Variants in CLCN3 observed in about 807,000 individuals in gnomAD.
CLCN3 encodes the protein Cl-/H+ antiporter 3.
A neutral mutation model predicts 83.4 loss-of-function variants in CLCN3; 16 were observed. The observed-to-expected ratio is 0.19, with a 90% confidence interval of 0.13 to 0.29. The LOEUF (loss-of-function observed/expected upper bound fraction) is 0.29. Among genes scored for constraint, CLCN3 ranks in the 10% least tolerant of loss-of-function variants. CLCN3 has a pLI of 1.00. For missense variants in CLCN3, 544 were observed against 1,006.0 expected (o/e 0.54, Z 6.21); for synonymous variants, 322 against 346.2 (o/e 0.93, Z 0.78).
intron 2 of CLCN3, among the ~76,000 whole-genome samples, chr4:169,679,088 C>T (rs527282346): frequency 9.6e-4 from 146 of 152,074 alleles, no homozygotes; most frequent in African/African-American, 3.4e-3. Context: ...CTCCTCACTT[C>T]CCAGATGGGG....
At chr4:169,716,947 GTTTT>G (rs1733444356) in intron 12 of CLCN3, among the ~76,000 whole-genome samples, 1 of 152,180 alleles carries the variant, frequency 6.6e-6, no homozygotes, top group Admixed American at 6.5e-5. Flanking sequence ...AAAGATTAAA[GTTTT>G]TTTAAGGTTT....
At position 169,680,206 on chromosome 4, in the gene CLCN3, G is replaced by C; in HGVS notation, c.317G>C (p.Arg106Pro). 6.2e-7 allele frequency: 1 copy of C among 1,603,850 alleles called. No homozygotes were observed. Among genetic ancestry groups the C allele is most frequent in the East Asian group, 2.2e-5 (1 of 44,730 alleles). The change falls in exon 3 of 13, where the codon CGG becomes CCG. Residue 106 changes from arginine to proline, a missense_variant and splice_region_variant. Around this residue, in one of 6 missense-constraint regions of CLCN3, gnomAD observed 96 missense variants for 202.1 expected, o/e 0.48. Coordinates refer to ENST00000513761, the MANE Select transcript of CLCN3 (RefSeq NM_001829.4). ...TGTAAAGACAGAGAAAGGCATAGAC[G>C]GGTAAGTGTTTTTAGTAAAAATTTT... Reference protein sequence around the residue: ...EKCKDRERHRRINSKKKESAW... With the variant: ...EKCKDRERHRPINSKKKESAW...
chr4:169,666,192 A>T (rs1731238597), intron 2 of CLCN3, among the ~76,000 whole-genome samples: 1 of 152,230 alleles, frequency 6.6e-6, no homozygotes, highest in South Asian at 2.1e-4. Context: ...ACAAAATAAA[A>T]TATCAGTATA....
chr4:169,654,564 T>C (rs558700727), intron 2 of CLCN3, among the ~76,000 whole-genome samples: 1 of 152,286 alleles, frequency 6.6e-6, no homozygotes, highest in South Asian at 2.1e-4. Flanking sequence ...CCTTTTTTAT[T>C]ATCACTATTT....
chr4:169,679,877 AGGCGGG>A (rs1560853867), intron 2 of CLCN3, among the ~76,000 whole-genome samples, 167 bp from the exon 3 acceptor site: 1 of 121,538 alleles, frequency 8.2e-6, no homozygotes, highest in Non-Finnish European at 1.9e-5. Flanking sequence ...AGACCGTGGA[AGGCGGG>A]AGTCGGAGAC....
chr4:169,646,570 AC>A (rs1221849474), intron 2 of CLCN3, among the ~76,000 whole-genome samples: 2 of 152,192 alleles, frequency 1.3e-5, no homozygotes, highest in Non-Finnish European at 2.9e-5. Context: ...TGCTGGGATT[AC>A]AGGCGTGAGC....
intron 12 of CLCN3, among the ~76,000 whole-genome samples, chr4:169,716,245 A>G (rs1194263573): frequency 6.6e-6 from 1 of 152,142 alleles, no homozygotes; most frequent in Non-Finnish European, 1.5e-5. Context: ...GTGTTTCTCC[A>G]TCTTTTAGGG....
intron 3 of CLCN3, 33 bp downstream of exon 3, chr4:169,680,240 T>C (rs1390012324): frequency 6.7e-7 from 1 of 1,483,716 alleles, no homozygotes; most frequent in South Asian, 1.2e-5. Context: ...TTTAAAAACA[T>C]AGTGCATAAT....
At chr4:169,696,052 C>A (rs1421732284) in intron 8 of CLCN3, among the ~76,000 whole-genome samples, 1 of 151,918 alleles carries the variant, frequency 6.6e-6, no homozygotes, top group Non-Finnish European at 1.5e-5. Flanking sequence ...ACCATGTTGG[C>A]CAGGCTGTTT....
chr4:169,674,297 G>C lies in CLCN3; in HGVS notation c.161-5753G>C, dbSNP rs139882382. On this transcript the variant is annotated intron_variant, in intron 2 of 12. Coordinates refer to ENST00000513761, the MANE Select transcript of CLCN3 (RefSeq NM_001829.4). Reference sequence around the variant, plus strand: ...TTTTTCCTTATAAGATTCATTTTATGCATTTCTGGCCAGAGTACCACAGAA... The same window carrying C: ...TTTTTCCTTATAAGATTCATTTTATCCATTTCTGGCCAGAGTACCACAGAA... Among the ~76,000 whole-genome samples, 23 of 152,182 alleles carry C rather than the reference G, an allele frequency of 1.5e-4. No homozygotes were observed. The East Asian group carries it at 4.4e-3, about 29-fold the overall frequency.
intron 2 of CLCN3, among the ~76,000 whole-genome samples, chr4:169,645,366 A>G (rs1164760726): frequency 6.6e-6 from 1 of 152,226 alleles, no homozygotes; most frequent in African/African-American, 2.4e-5. Flanking sequence ...ATACACACAC[A>G]GAAAAAACAT....
chr4:169,660,188 T>C, intron 2 of CLCN3: 1 of 1,168,610 alleles, frequency 8.6e-7, no homozygotes, highest in East Asian at 3.8e-5. Context: ...TAATTTCCCT[T>C]TGATGACATC....
intron 11 of CLCN3, among the ~76,000 whole-genome samples, chr4:169,707,962 T>G (rs1486124282): frequency 6.6e-6 from 1 of 152,240 alleles, no homozygotes; most frequent in Admixed American, 6.5e-5. Context: ...AGTCCCGCAG[T>G]ATTGATGAGG....
intron 11 of CLCN3, among the ~76,000 whole-genome samples, chr4:169,712,021 ATTTTTTT>A (rs564857112): frequency 0.22 from 25,574 of 114,832 alleles, 2,825 homozygotes; most frequent in South Asian, 0.36. Flanking sequence ...TGCTTGGCCG[ATTTTTTT>A]TTTTTTTTTT....
chr4:169,630,388 G>A (rs530168630), intron 1 of CLCN3, among the ~76,000 whole-genome samples: 1 of 152,242 alleles, frequency 6.6e-6, no homozygotes, highest in East Asian at 1.9e-4. Flanking sequence ...GCTGTATTTG[G>A]TTTTCTGTTA....
chr4:169,679,565 G>C (rs539632044), intron 2 of CLCN3, among the ~76,000 whole-genome samples: 169 of 152,298 alleles, frequency 1.1e-3, no homozygotes, highest in African/African-American at 3.8e-3. Flanking sequence ...GTTGTAGCGA[G>C]CCGAGATCAC....
chr4:169,654,220 C>T (rs943295238), intron 2 of CLCN3, among the ~76,000 whole-genome samples: 2 of 151,700 alleles, frequency 1.3e-5, no homozygotes, highest in African/African-American at 4.8e-5. Context: ...TTCCTTTCTC[C>T]TATTCCCTCC....
intron 3 of CLCN3, 127 bp from the exon 4 acceptor site, chr4:169,687,530 TA>T (rs1378124407): frequency 1.6e-5 from 9 of 563,694 alleles, no homozygotes; most frequent in Non-Finnish European, 3.1e-6. Context: ...GCTCCAGACT[TA>T]CCTTTTCCAT....
chr4:169,696,137 T>A (rs1278777190), intron 8 of CLCN3, among the ~76,000 whole-genome samples: 1 of 152,170 alleles, frequency 6.6e-6, no homozygotes, highest in Admixed American at 6.5e-5. Flanking sequence ...TTGCCCAGGC[T>A]GGAGTGCAAT....
Sources: allele counts gnomAD v4.1 joint callset (sites outside exome capture counted in the v4.1 genomes callset), GRCh38; gene constraint gnomAD v4.1.1; regional missense constraint gnomAD v4.1.1; transcripts MANE v1.5; gene names NCBI Gene and HGNC (gene_info 2026-07-23, HGNC 2026-07-21).